The following CDH18 variants were observed in gnomAD, a reference collection of about 807,000 sequenced individuals.
The protein encoded by CDH18 is cadherin-18.
CDH18 carries 31 observed loss-of-function variants against 67.9 expected under a neutral mutation model. That is an observed-to-expected ratio of 0.46 (90% confidence interval 0.34 to 0.62). The LOEUF is 0.62. CDH18 is among the 20% of genes least tolerant of loss of function. The pLI, the probability that CDH18 is intolerant of heterozygous loss-of-function variation, is 0.01. For synonymous variants in CDH18, 362 were observed against 347.2 expected, an observed-to-expected ratio of 1.04 and a Z score of -0.48; for missense variants, 890 against 975.5, an observed-to-expected ratio of 0.91 and a Z score of 1.17.
chr5:20,131,708 A>G (rs1383656997), intron 2 of CDH18, among the ~76,000 whole-genome samples: 3 of 152,128 alleles, frequency 2.0e-5, no homozygotes, highest in Admixed American at 6.6e-5. Flanking sequence ...AATGAACTTT[A>G]TGCTATATTG....
intron 1 of CDH18, among the ~76,000 whole-genome samples, chr5:20,451,004 A>G (rs904892691): frequency 2.8e-4 from 42 of 152,134 alleles, no homozygotes; most frequent in Admixed American, 2.8e-3. Flanking sequence ...ACAGCTTGGG[A>G]AAGACCTGCC....
chr5:19,715,173 A>T (rs1339856987), intron 5 of CDH18, among the ~76,000 whole-genome samples: 3 of 152,116 alleles, frequency 2.0e-5, no homozygotes, highest in Non-Finnish European at 4.4e-5. Context: ...TCCTAGACTT[A>T]ATATTTTTCC....
chr5:19,574,249 C>A (rs1167725307), intron 7 of CDH18, among the ~76,000 whole-genome samples: 1 of 152,150 alleles, frequency 6.6e-6, no homozygotes, highest in Non-Finnish European at 1.5e-5. Context: ...ACGGTGCAGG[C>A]TGTTTCTGTG....
At chr5:19,804,280 G>A (rs1446799123) in intron 3 of CDH18, among the ~76,000 whole-genome samples, 3 of 150,736 alleles carry the variant, frequency 2.0e-5, no homozygotes, top group African/African-American at 7.3e-5. Flanking sequence ...CCAGCCTGGG[G>A]GACAGAGCGA....
chr5:20,356,161 TC>T (rs2150064521), intron 1 of CDH18, among the ~76,000 whole-genome samples: 1 of 152,260 alleles, frequency 6.6e-6, no homozygotes, highest in Non-Finnish European at 1.5e-5. Flanking sequence ...GGTGGGCGGA[TC>T]ACCTGAGGTC....
chr5:19,485,282 G>A (rs894213967), intron 11 of CDH18, among the ~76,000 whole-genome samples: 6 of 145,360 alleles, frequency 4.1e-5, no homozygotes, highest in Non-Finnish European at 7.5e-5. Flanking sequence ...TTTAGATGGC[G>A]TCTCGCTCTG....
At chr5:20,438,968 AT>A (rs1489920050) in intron 1 of CDH18, among the ~76,000 whole-genome samples, 1 of 151,508 alleles carries the variant, frequency 6.6e-6, no homozygotes, top group East Asian at 1.9e-4. Flanking sequence ...TTAAAAAATA[AT>A]TTATTCTTTT....
At chr5:20,292,963 A>G (rs2149946846) in intron 1 of CDH18, among the ~76,000 whole-genome samples, 1 of 152,222 alleles carries the variant, frequency 6.6e-6, no homozygotes, top group South Asian at 2.1e-4. Flanking sequence ...TTAGGGTTTC[A>G]ACATATCTTT....
intron 2 of CDH18, among the ~76,000 whole-genome samples, chr5:19,877,239 T>A (rs537617480): frequency 6.6e-6 from 1 of 152,212 alleles, no homozygotes; most frequent in East Asian, 1.9e-4. Flanking sequence ...CTATATTAAA[T>A]GTCGTAAAAA....
intron 1 of CDH18, among the ~76,000 whole-genome samples, chr5:20,437,965 G>A (rs1356989317): frequency 1.3e-5 from 2 of 151,102 alleles, no homozygotes; most frequent in Non-Finnish European, 3.0e-5. Flanking sequence ...TAGAATAAAA[G>A]GCAAATACAG....
intron 1 of CDH18, among the ~76,000 whole-genome samples, chr5:20,427,018 C>T (rs771765320): frequency 2.6e-5 from 4 of 151,066 alleles, no homozygotes; most frequent in South Asian, 2.1e-4. Flanking sequence ...CTTAGAATAG[C>T]GCTCAGACAA....
intron 3 of CDH18, among the ~76,000 whole-genome samples, chr5:19,762,901 T>G (rs1363425365): frequency 6.6e-6 from 1 of 152,158 alleles, no homozygotes; most frequent in Non-Finnish European, 1.5e-5. Context: ...ATATACACCA[T>G]GGAATACTAT....
At chr5:20,146,616 G>A (rs1750665209) in intron 2 of CDH18, among the ~76,000 whole-genome samples, 1 of 37,266 alleles carries the variant, frequency 2.7e-5, no homozygotes, top group South Asian at 1.2e-3. Context: ...AACTAATTTT[G>A]TAAAAAAAAA....
At chr5:20,303,674 G>T (rs1256315980) in intron 1 of CDH18, among the ~76,000 whole-genome samples, 2 of 152,030 alleles carry the variant, frequency 1.3e-5, no homozygotes, top group Non-Finnish European at 2.9e-5. Context: ...CTGTTCAAAA[G>T]CCTCTCTGGT....
At chr5:20,067,923 C>G (rs1177600377) in intron 2 of CDH18, among the ~76,000 whole-genome samples, 1 of 151,984 alleles carries the variant, frequency 6.6e-6, no homozygotes, top group Admixed American at 6.6e-5. Flanking sequence ...GGGTTTGAAA[C>G]TTAAGAAAAT....
intron 1 of CDH18, among the ~76,000 whole-genome samples, chr5:20,285,927 G>A (rs1023711702): frequency 1.3e-5 from 2 of 151,480 alleles, no homozygotes; most frequent in Admixed American, 6.6e-5. Context: ...AAAAATTAAA[G>A]ACCTGTTCTG....
chr5:19,523,940 G>A (rs1345846063), intron 9 of CDH18, among the ~76,000 whole-genome samples: 1 of 152,068 alleles, frequency 6.6e-6, no homozygotes, highest in Non-Finnish European at 1.5e-5. Flanking sequence ...ACCATGTGAA[G>A]CAATCTTAGA....
chr5:20,192,428 G>T (rs1292682123), intron 2 of CDH18, among the ~76,000 whole-genome samples: 1 of 151,988 alleles, frequency 6.6e-6, no homozygotes, highest in Non-Finnish European at 1.5e-5. Flanking sequence ...TTTGCCAAAT[G>T]CTTATGTCCT....
At chr5:20,361,347 G>T (rs185489309) in intron 1 of CDH18, among the ~76,000 whole-genome samples, 188 of 152,078 alleles carry the variant, frequency 1.2e-3, no homozygotes, top group Non-Finnish European at 2.4e-3. Context: ...TTAAGCGAGA[G>T]AAGTCATTTT....
Sources: gnomAD v4.1 joint callset for allele counts (sites outside exome capture counted in the v4.1 genomes callset) on GRCh38, gnomAD v4.1.1 for gene constraint, MANE v1.5 for transcripts, NCBI Gene and HGNC (gene_info 2026-07-23, HGNC 2026-07-21) for gene names.